Variants in SMAD9 observed in about 807,000 individuals in gnomAD.
The protein encoded by SMAD9 is MAD homolog 9.
In SMAD9, 36 loss-of-function variants were observed where a neutral mutation model predicts 46.1. The ratio of observed to expected loss-of-function variants is 0.78; its 90% CI spans 0.60 to 1.03. The LOEUF (loss-of-function observed/expected upper bound fraction) is 1.03, where lower values mean the gene tolerates loss of function less well. Ranked by LOEUF, SMAD9 falls within the 50% of genes least tolerant of loss-of-function variation. SMAD9 has a pLI of 0.00. For missense variants in SMAD9, 572 were observed against 599.8 expected (o/e 0.95, Z 0.48); for synonymous variants, 245 against 237.1 (o/e 1.03, Z -0.31).
At position 36,897,705 on chromosome 13, in the gene SMAD9, TCTTA is replaced by T. The variant is rs368170556; in HGVS notation, c.-186-17834_-186-17831del. ...TTTTTTGAAAACTGCTAATGAAAACTCTTACTTGATTGGGTAAAAAAGGTATAAT... is the reference window on the plus strand; with the variant it reads ...TTTTTTGAAAACTGCTAATGAAAACTCTTGATTGGGTAAAAAAGGTATAAT... On this transcript the variant is annotated intron_variant, in intron 1 of 6. Coordinates refer to ENST00000379826, the MANE Select transcript of SMAD9 (RefSeq NM_001127217.3). Among the ~76,000 whole-genome samples, 181 of 152,080 alleles carry T rather than the reference TCTTA, an allele frequency of 1.2e-3. 1 individual carries two copies. The highest frequency in any genetic ancestry group is 4.1e-3 in the African/African-American group (170 of 41,372).
At chr13:36,889,754 A>G (rs1381854307) in intron 1 of SMAD9, among the ~76,000 whole-genome samples, 5 of 152,190 alleles carry the variant, frequency 3.3e-5, no homozygotes, top group African/African-American at 9.7e-5. Flanking sequence ...ATGATTATCA[A>G]TTACAAAATG....
At chr13:36,912,908 G>A (rs1415093369) in intron 1 of SMAD9, among the ~76,000 whole-genome samples, 1 of 152,064 alleles carries the variant, frequency 6.6e-6, no homozygotes, top group Admixed American at 6.6e-5. Flanking sequence ...TATCTATGGG[G>A]GATTCAGTCC....
rs147809305 is a variant in SMAD9, at chr13:36,912,967, A to T, written c.-187+7149T>A. 6.1e-4 allele frequency among the ~76,000 whole-genome samples: 93 copies of T among 152,330 alleles called. 1 individual carries two copies. The East Asian group carries it at 0.017, about 28-fold the overall frequency. On this transcript the variant is annotated intron_variant, in intron 1 of 6. Transcript: ENST00000379826. The stretch of plus-strand genomic sequence containing the variant: ...CCAAGGATGCTCAAGTCCCTCGTAT[A>T]AAATGGTATATTTGCATATAACCTA...
intron 6 of SMAD9, among the ~76,000 whole-genome samples, chr13:36,851,161 A>G (rs2058071666): frequency 6.6e-6 from 1 of 152,184 alleles, no homozygotes; most frequent in African/African-American, 2.4e-5. Flanking sequence ...ACCTCCTTAC[A>G]GTCACCGCTG....
At chr13:36,907,003 G>C in intron 1 of SMAD9, among the ~76,000 whole-genome samples, 1 of 138,802 alleles carries the variant, frequency 7.2e-6, no homozygotes, top group African/African-American at 3.0e-5. Flanking sequence ...ATCAACAAAT[G>C]AATGAATGAA....
At chr13:36,876,716 T>C (rs918258849) in intron 2 of SMAD9, among the ~76,000 whole-genome samples, 1 of 152,014 alleles carries the variant, frequency 6.6e-6, no homozygotes, top group African/African-American at 2.4e-5. Context: ...GAAAAGAAAA[T>C]GGGAATGCAG....
Position 36,910,002 on chromosome 13 carries a change from CCTGGCTAACACG to C in SMAD9, c.-187+10102_-187+10113del, listed in dbSNP as rs575625224. Among the ~76,000 whole-genome samples the C allele has an allele frequency of 2.1e-3, 324 of 152,094 alleles. 1 individual carries two copies. The highest frequency in any genetic ancestry group is 7.6e-3 in the African/African-American group (314 of 41,506). ...CACGAGGTCAGGAGATCGAGACCAT[CCTGGCTAACACG>C]GTGAAACCCCATCTCTACTAAAAAT... On this transcript the variant is annotated intron_variant, in intron 1 of 6. Transcript: ENST00000379826.
chr13:36,908,360 T>C (rs2138677326), intron 1 of SMAD9, among the ~76,000 whole-genome samples: 1 of 152,324 alleles, frequency 6.6e-6, no homozygotes, highest in South Asian at 2.1e-4. Flanking sequence ...CAAACATTCC[T>C]AGATTCAACA....
intron 3 of SMAD9, among the ~76,000 whole-genome samples, chr13:36,871,932 T>C (rs1364368428): frequency 1.3e-5 from 2 of 152,220 alleles, no homozygotes; most frequent in Non-Finnish European, 2.9e-5. Flanking sequence ...TGGCACCAAA[T>C]GTATTTATGC....
chr13:36,869,396 A>AT (rs2058267104), intron 3 of SMAD9, among the ~76,000 whole-genome samples: 2 of 152,012 alleles, frequency 1.3e-5, no homozygotes, highest in African/African-American at 4.8e-5. Flanking sequence ...TAACTTTTGT[A>AT]TTTTTAGTAG....
chr13:36,914,043 C>T (rs930685510), intron 1 of SMAD9, among the ~76,000 whole-genome samples: 1 of 152,162 alleles, frequency 6.6e-6, no homozygotes, highest in African/African-American at 2.4e-5. Context: ...TGCTAATGTA[C>T]TTCCCTGGCC....
chr13:36,871,868 T>A (rs1352191824), intron 3 of SMAD9, among the ~76,000 whole-genome samples: 1 of 152,194 alleles, frequency 6.6e-6, no homozygotes, highest in South Asian at 2.1e-4. Context: ...GTTTAATAAA[T>A]ATCCATTAAA....
chr13:36,919,575 A>C (rs1301380781), intron 1 of SMAD9, among the ~76,000 whole-genome samples: 1 of 151,992 alleles, frequency 6.6e-6, no homozygotes. Flanking sequence ...AAGAGTCACA[A>C]TGACGACCCC....
intron 1 of SMAD9, among the ~76,000 whole-genome samples, chr13:36,888,764 A>G (rs2058467996): frequency 6.6e-6 from 1 of 152,196 alleles, no homozygotes. Flanking sequence ...GGAAGTGGGG[A>G]GACATTCTGA....
intron 1 of SMAD9, among the ~76,000 whole-genome samples, chr13:36,895,107 A>C (rs1283042649): frequency 6.6e-6 from 1 of 152,094 alleles, no homozygotes; most frequent in East Asian, 1.9e-4. Context: ...AGATTCCTCC[A>C]CCACTCCATC....
chr13:36,882,446 C>T (rs1232621388), intron 1 of SMAD9, among the ~76,000 whole-genome samples: 3 of 152,294 alleles, frequency 2.0e-5, no homozygotes, highest in Non-Finnish European at 4.4e-5. Context: ...TGGGGAATTC[C>T]CAACTAGTCA....
rs61950373 is a variant in SMAD9 at position 36,900,728 on chromosome 13, T to C, written c.-187+19388A>G. On this transcript the variant is annotated intron_variant, in intron 1 of 6. Transcript: ENST00000379826. ...ACACACACACACACACACACACACA[T>C]AAATGTAAATTATTTTACTTATTTT... Among the ~76,000 whole-genome samples, 798 of 111,514 alleles carry C rather than the reference T, an allele frequency of 7.2e-3. 1 individual carries two copies. The highest frequency in any genetic ancestry group is 0.012 in the Non-Finnish European group (595 of 48,054). The allele number at this position is 111,514 out of a possible 152,430, so 73.2% of individuals were successfully genotyped here. A position where few individuals can be genotyped will look rare whatever the true frequency, so the allele number is the denominator to read the frequency against.
chr13:36,919,786 C>A (rs2058727554), intron 1 of SMAD9, among the ~76,000 whole-genome samples: 1 of 151,014 alleles, frequency 6.6e-6, no homozygotes, highest in South Asian at 2.1e-4. Context: ...TGCGCCGCGG[C>A]CAACTCCCCA....
chr13:36,912,029 T>C (rs901734985), intron 1 of SMAD9, among the ~76,000 whole-genome samples: 1 of 152,194 alleles, frequency 6.6e-6, no homozygotes, highest in Non-Finnish European at 1.5e-5. Flanking sequence ...GATTTTTATT[T>C]GCTAAAGAGA....
Sources: gnomAD v4.1 joint callset for allele counts (sites outside exome capture counted in the v4.1 genomes callset) on GRCh38, gnomAD v4.1.1 for gene constraint, MANE v1.5 for transcripts, NCBI Gene and HGNC (gene_info 2026-07-23, HGNC 2026-07-21) for gene names.